Variants in ENTREP2 observed in about 807,000 individuals in gnomAD.
The protein encoded by ENTREP2 is protein ENTREP2.
At chr15:29,547,588 A>G in the ENTREP2 span, among the ~76,000 whole-genome samples, 922 of 152,266 alleles carry the variant, frequency 6.1e-3, 13 homozygotes, top group African/African-American at 0.021. Flanking sequence ...AAAACATAAT[A>G]ACAAGTGTTG....
chr15:29,511,001 G>A, the ENTREP2 span, among the ~76,000 whole-genome samples: 1 of 151,990 alleles, frequency 6.6e-6, no homozygotes, highest in East Asian at 1.9e-4. Context: ...GAGAACATAT[G>A]GGCACAGGGA....
At chr15:29,130,420 G>A in the ENTREP2 span, among the ~76,000 whole-genome samples, 2 of 152,192 alleles carry the variant, frequency 1.3e-5, no homozygotes, top group African/African-American at 2.4e-5. Flanking sequence ...AGCGAACAAT[G>A]TCCTAACGGT....
chr15:29,460,836 C>T, the ENTREP2 span, among the ~76,000 whole-genome samples: 211 of 152,104 alleles, frequency 1.4e-3, 1 homozygote, highest in African/African-American at 4.9e-3. Context: ...GCCACTATCA[C>T]GTCTTTTCCA....
chr15:29,170,150 TAA>T, the ENTREP2 span, among the ~76,000 whole-genome samples: 1 of 150,642 alleles, frequency 6.6e-6, no homozygotes, highest in African/African-American at 2.4e-5. Flanking sequence ...CTACTAAAAA[TAA>T]AAAAAATTAG....
the ENTREP2 span, among the ~76,000 whole-genome samples, chr15:29,666,509 T>C: frequency 2.6e-5 from 4 of 152,076 alleles, no homozygotes; most frequent in Non-Finnish European, 4.4e-5. Flanking sequence ...CAAATTCTAT[T>C]TTCCATAGAC....
chr15:29,304,067 G>A, the ENTREP2 span, among the ~76,000 whole-genome samples: 1 of 152,032 alleles, frequency 6.6e-6, no homozygotes, highest in African/African-American at 2.4e-5. Flanking sequence ...ATTTTTAGTA[G>A]AGATGGGGTT....
the ENTREP2 span, among the ~76,000 whole-genome samples, chr15:29,419,206 T>C: frequency 6.6e-6 from 1 of 152,058 alleles, no homozygotes; most frequent in Non-Finnish European, 1.5e-5. Context: ...TTCAAAACAA[T>C]TATAGTTATT....
At chr15:29,570,535 G>A in the ENTREP2 span, 2 of 1,459,548 alleles carry the variant, frequency 1.4e-6, no homozygotes, top group Admixed American at 2.3e-5. Context: ...GGCAGGAGTG[G>A]CGGACGCGGG....
At chr15:29,672,908 T>C in the ENTREP2 span, among the ~76,000 whole-genome samples, 7,906 of 152,144 alleles carry the variant, frequency 0.052, 641 homozygotes, top group African/African-American at 0.17. Context: ...ATCAAGTTGG[T>C]GACTCCATAG....
chr15:29,591,664 C>T, the ENTREP2 span, among the ~76,000 whole-genome samples: 1 of 151,898 alleles, frequency 6.6e-6, no homozygotes, highest in African/African-American at 2.4e-5. Context: ...GAGGGAGACC[C>T]CATCTCTGCA....
At chr15:29,533,523 C>T in the ENTREP2 span, among the ~76,000 whole-genome samples, 47 of 152,278 alleles carry the variant, frequency 3.1e-4, no homozygotes, top group South Asian at 6.2e-4. Context: ...TCCACCTGTT[C>T]ACCTGGTGAG....
At chr15:29,400,699 GA>G in the ENTREP2 span, among the ~76,000 whole-genome samples, 2 of 152,150 alleles carry the variant, frequency 1.3e-5, no homozygotes, top group Non-Finnish European at 2.9e-5. Flanking sequence ...ACAATTTTAA[GA>G]CATAATAGAA....
At chr15:29,274,347 T>G in the ENTREP2 span, among the ~76,000 whole-genome samples, 2 of 152,266 alleles carry the variant, frequency 1.3e-5, no homozygotes, top group South Asian at 4.1e-4. Flanking sequence ...CTATAGCGAG[T>G]AAGTGGTAGG....
the ENTREP2 span, among the ~76,000 whole-genome samples, chr15:29,488,121 C>A: frequency 5.9e-5 from 9 of 152,180 alleles, no homozygotes; most frequent in African/African-American, 2.2e-4. Flanking sequence ...GACTTTAAAT[C>A]AACTGCCCTA....
At chr15:29,179,979 C>G in the ENTREP2 span, among the ~76,000 whole-genome samples, 3 of 151,976 alleles carry the variant, frequency 2.0e-5, no homozygotes, top group Non-Finnish European at 4.4e-5. Context: ...GTGCTCAATA[C>G]AGAGAGAAGG....
the ENTREP2 span, among the ~76,000 whole-genome samples, chr15:29,400,580 T>C: frequency 1.3e-5 from 2 of 152,224 alleles, no homozygotes; most frequent in Non-Finnish European, 2.9e-5. Context: ...TCTCTACGTT[T>C]CAACATTAAA....
At chr15:29,195,177 T>G in the ENTREP2 span, 1 of 985,288 alleles carries the variant, frequency 1.0e-6, no homozygotes, top group Non-Finnish European at 1.2e-6. Context: ...CCGCTGCATC[T>G]GTCACTCTGG....
the ENTREP2 span, among the ~76,000 whole-genome samples, chr15:29,444,677 G>A: frequency 2.0e-5 from 3 of 152,026 alleles, no homozygotes; most frequent in African/African-American, 7.2e-5. Flanking sequence ...ATATTGGCCA[G>A]GCTGGTCTCG....
the ENTREP2 span, among the ~76,000 whole-genome samples, chr15:29,288,941 C>G: frequency 6.6e-6 from 1 of 152,126 alleles, no homozygotes; most frequent in Non-Finnish European, 1.5e-5. Context: ...GGTGCAGAGG[C>G]TCACGCCTGT....
Sources: gnomAD v4.1 joint callset for allele counts (sites outside exome capture counted in the v4.1 genomes callset) on GRCh38, gnomAD v4.1.1 for gene constraint, MANE v1.5 for transcripts, NCBI Gene and HGNC (gene_info 2026-07-23, HGNC 2026-07-21) for gene names.